CDH23: variants seen among roughly 807,000 people sequenced by gnomAD.
The protein encoded by CDH23 is cadherin related 23.
CDH23 carries 189 observed loss-of-function variants against 317.1 expected under a neutral mutation model. That is an observed-to-expected ratio of 0.60 (90% CI 0.53 to 0.67). The LOEUF (loss-of-function observed/expected upper bound fraction) is 0.67, where lower values mean the gene tolerates loss of function less well. Among genes scored for constraint, CDH23 ranks in the 30% least tolerant of loss-of-function variants. The probability of loss-of-function intolerance (pLI) is 0.00; values close to 1 mark genes in which losing one functional copy is unlikely to be tolerated. For synonymous variants in CDH23, 1,839 were observed against 1,876.8 expected (o/e 0.98, Z 0.52); for missense variants, 4,401 against 4,592.4 (o/e 0.96, Z 1.20).
chr10:71,675,292 C>A, intron 15 of CDH23, 116 bp downstream of exon 15: 2 of 827,740 alleles, frequency 2.4e-6, no homozygotes, highest in East Asian at 2.7e-5. Context: ...GGTCCTGTGG[C>A]TAGAGCACTG....
intron 22 of CDH23, among the ~76,000 whole-genome samples, chr10:71,697,360 A>G (rs1039079157): frequency 6.6e-6 from 1 of 152,230 alleles, no homozygotes; most frequent in African/African-American, 2.4e-5. Context: ...CACGCTTGTC[A>G]GGCTGAGGGT....
intron 11 of CDH23, among the ~76,000 whole-genome samples, chr10:71,629,593 A>G (rs1400088907): frequency 6.6e-6 from 1 of 152,234 alleles, no homozygotes; most frequent in Admixed American, 6.5e-5. Flanking sequence ...GAAGACACCC[A>G]ACTTCTGTAC....
At chr10:71,578,074 G>T in intron 9 of CDH23, 82 bp downstream of exon 9, 1 of 1,374,560 alleles carries the variant, frequency 7.3e-7, no homozygotes. Context: ...CAGGCTCTGA[G>T]GGCTAAGGAG....
At position 71,732,021 on chromosome 10, in the gene CDH23, G is replaced by T; in HGVS notation, c.3750G>T (p.Ser1250=). 1 of 1,613,916 alleles carries T rather than the reference G, an allele frequency of 6.2e-7. No homozygotes were observed. The highest frequency in any genetic ancestry group is 8.5e-7 in the Non-Finnish European group (1 of 1,179,856). Reference sequence around the variant, plus strand: ...GCCTGGTGAACTACCGCATCCTGTCGGGCGCAGAGGGGAAGTTTGAGATTG... The same window carrying T: ...GCCTGGTGAACTACCGCATCCTGTCTGGCGCAGAGGGGAAGTTTGAGATTG... ...DGGLVNYRIL[S]GAEGKFEIDE... is the part of the protein sequence containing the mutation. The change falls in exon 32 of 70, where the codon TCG becomes TCT. Residue 1250 remains serine, a synonymous_variant. Transcript: ENST00000224721.
chr10:71,661,223 A>T (rs965984226), intron 14 of CDH23, among the ~76,000 whole-genome samples: 1 of 152,116 alleles, frequency 6.6e-6, no homozygotes, highest in African/African-American at 2.4e-5. Context: ...CAGAAACTGA[A>T]CTTGATTAGC....
chr10:71,785,111 G>T lies in CDH23; in HGVS notation c.5712+11G>T. On this transcript the variant is annotated intron_variant, in intron 43 of 69. Transcript: ENST00000224721. Reference sequence around the variant, plus strand: ...TTCATCAATGCCACGGTAGGGCCTAGACTGACCCCAGGGAGCTTCCCAGGG... The same window carrying T: ...TTCATCAATGCCACGGTAGGGCCTATACTGACCCCAGGGAGCTTCCCAGGG... 6.2e-7 allele frequency: 1 copy of T among 1,607,784 alleles called. No homozygotes were observed. The highest frequency in any genetic ancestry group is 8.5e-7 in the Non-Finnish European group (1 of 1,174,740).
chr10:71,407,610 G>A (rs114467263), intron 1 of CDH23, among the ~76,000 whole-genome samples: 2,213 of 152,204 alleles, frequency 0.015, 54 homozygotes, highest in African/African-American at 0.049. Flanking sequence ...ACCTTTCCCC[G>A]CCATTGGCCA....
intron 6 of CDH23, among the ~76,000 whole-genome samples, chr10:71,524,884 A>G (rs1212978446): frequency 6.6e-6 from 1 of 152,214 alleles, no homozygotes; most frequent in African/African-American, 2.4e-5. Flanking sequence ...GAAGGAACGC[A>G]GCCCTGCGAC....
At chr10:71,625,669 G>A (rs1210412044) in intron 11 of CDH23, among the ~76,000 whole-genome samples, 1 of 152,110 alleles carries the variant, frequency 6.6e-6, no homozygotes, top group Non-Finnish European at 1.5e-5. Context: ...TGTCTGGGCT[G>A]CAGTGCCTCC....
chr10:71,666,319 C>T (rs140951996), intron 14 of CDH23, among the ~76,000 whole-genome samples: 2 of 152,184 alleles, frequency 1.3e-5, no homozygotes, highest in East Asian at 3.9e-4. Flanking sequence ...CACCCCACCG[C>T]TCACTCCCTG....
At chr10:71,683,463 T>C (rs553084828) in intron 18 of CDH23, among the ~76,000 whole-genome samples, 14 of 152,290 alleles carry the variant, frequency 9.2e-5, no homozygotes, top group African/African-American at 3.1e-4. Flanking sequence ...CGCCCGGCCT[T>C]AACAAGCTCT....
At chr10:71,510,901 C>T in intron 4 of CDH23, 53 bp from the exon 5 acceptor site, 3 of 1,593,044 alleles carry the variant, frequency 1.9e-6, no homozygotes, top group Non-Finnish European at 2.6e-6. Flanking sequence ...GCCCAGGACC[C>T]AGGACCTCAG....
intron 38 of CDH23, chr10:71,752,870 A>C: frequency 7.4e-7 from 1 of 1,353,088 alleles, no homozygotes; most frequent in Non-Finnish European, 1.0e-6. Context: ...GGCTCTTCTG[A>C]CCAGCTGCTC....
intron 55 of CDH23, among the ~76,000 whole-genome samples, chr10:71,804,423 A>G (rs560466248): frequency 7.9e-4 from 121 of 152,280 alleles, no homozygotes; most frequent in African/African-American, 2.7e-3. Flanking sequence ...CACAGGCCCA[A>G]AGTGCTCCGT....
chr10:71,741,738 C>T lies in CDH23; in HGVS notation c.4662C>T (p.Asp1554=), dbSNP rs771353319. The T allele has an allele frequency of 6.2e-7, 1 of 1,612,190 alleles. No homozygotes were observed. The highest frequency in any genetic ancestry group is 1.3e-5 in the African/African-American group (1 of 74,912). The part of the protein sequence containing the change: ...GTAVVQVRAT[D]RDIGINSVLS... ...CTGTGGTCCAGGTGAGAGCCACTGA[C>T]CGTGACATCGGGATCAACAGTGTTC... Residue 1554 remains aspartate (D), a synonymous_variant, in exon 38 of 70, where the codon GAC becomes GAT. Transcript: ENST00000224721.
chr10:71,632,221 G>A (rs1862046714), intron 11 of CDH23, among the ~76,000 whole-genome samples: 1 of 152,214 alleles, frequency 6.6e-6, no homozygotes, highest in Non-Finnish European at 1.5e-5. Flanking sequence ...ATGAGCAGCA[G>A]CACTGGTGGG....
chr10:71,416,835 T>C (rs1342699494), intron 1 of CDH23, among the ~76,000 whole-genome samples: 2 of 152,106 alleles, frequency 1.3e-5, no homozygotes, highest in Admixed American at 1.3e-4. Context: ...GCCAGGCAAT[T>C]TTGAAGGATA....
rs567446766 is a variant in CDH23 at position 71,497,270 on chromosome 10, T to A, written c.146-12812T>A. 2.6e-5 allele frequency among the ~76,000 whole-genome samples: 4 copies of A among 152,318 alleles called. No homozygotes were observed. The East Asian group carries it at 7.7e-4, about 29-fold the overall frequency. ...TCAACATTTCCTTTTGTAAAGTTAATTGAACAATTCAATGAATTGAAAAGT... is the reference window on the plus strand; with the variant it reads ...TCAACATTTCCTTTTGTAAAGTTAAATGAACAATTCAATGAATTGAAAAGT... On this transcript the variant is annotated intron_variant, in intron 3 of 69. Transcript: ENST00000224721.
intron 11 of CDH23, among the ~76,000 whole-genome samples, chr10:71,625,481 T>G (rs1589274204): frequency 4.7e-5 from 5 of 106,896 alleles, no homozygotes; most frequent in Admixed American, 2.1e-4. Context: ...GGGTAGGCAG[T>G]GATGGGGTGG....
Sources: gnomAD v4.1 joint callset for allele counts (sites outside exome capture counted in the v4.1 genomes callset) on GRCh38, gnomAD v4.1.1 for gene constraint, MANE v1.5 for transcripts, NCBI Gene and HGNC (gene_info 2026-07-23, HGNC 2026-07-21) for gene names.